Variants in SYNE1 observed in about 807,000 individuals in gnomAD.
SYNE1 encodes spectrin repeat containing nuclear envelope protein 1.
In SYNE1, 616 loss-of-function variants were observed where a neutral mutation model predicts 1,111.0. The observed-to-expected ratio is 0.55, with a 90% confidence interval of 0.52 to 0.59. The LOEUF (loss-of-function observed/expected upper bound fraction) is 0.59, where lower values mean the gene tolerates loss of function less well. Among genes scored for constraint, SYNE1 ranks in the 20% least tolerant of loss-of-function variants. The probability of loss-of-function intolerance (pLI) is 0.00; values close to 1 mark genes in which losing one functional copy is unlikely to be tolerated. For missense variants in SYNE1, 10,006 were observed against 10,417.0 expected, an observed-to-expected ratio of 0.96 and a Z score of 1.72; for synonymous variants, 3,855 against 3,825.8, an observed-to-expected ratio of 1.01 and a Z score of -0.28.
intron 8 of SYNE1, among the ~76,000 whole-genome samples, chr6:152,507,803 A>G (rs1366958254): frequency 6.6e-6 from 1 of 152,206 alleles, no homozygotes; most frequent in Non-Finnish European, 1.5e-5. Context: ...CTATAACTTA[A>G]AGCTTTTATT....
Position 152,220,981 on chromosome 6 carries a change from C to T in SYNE1, c.21722G>A (p.Trp7241Ter). 1 of 1,614,148 alleles carries T rather than the reference C, an allele frequency of 6.2e-7. No individual in the cohort carries two copies. The highest frequency in any genetic ancestry group is 1.1e-5 in the South Asian group (1 of 91,082). The stretch of plus-strand genomic sequence containing the variant: ...TTTGGAGTAGTCCTTGTATCTTTGC[C>T]AAAGCTGAAGTAGGGCCTTGCTGGA... ...LQSSKALLQL[W>*]QRYKDYSKQC... Residue 7241 changes from tryptophan to a stop codon, truncating the protein, a stop_gained, in exon 119 of 146, where the codon TGG (tryptophan) becomes TAG (stop). Coordinates refer to ENST00000367255, the MANE Select transcript of SYNE1 (RefSeq NM_182961.4). LOFTEE classifies it high-confidence loss of function.
chr6:152,625,978 C>T (rs931170291), intron 3 of SYNE1, among the ~76,000 whole-genome samples: 14 of 152,270 alleles, frequency 9.2e-5, no homozygotes, highest in African/African-American at 3.1e-4. Flanking sequence ...CACCTAGACA[C>T]GTAGATGTTA....
At chr6:152,579,377 A>G (rs2099511668) in intron 3 of SYNE1, among the ~76,000 whole-genome samples, 1 of 152,250 alleles carries the variant, frequency 6.6e-6, no homozygotes. Context: ...CCCAGGCCAC[A>G]GGCAGAGGCC....
Position 152,269,232 on chromosome 6 carries a change from G to C in SYNE1, c.18628C>G (p.Pro6210Ala), listed in dbSNP as rs868377407. ...TGGGCCAGCCATTCCTGGACGCCGG[G>C]GCTCTGCGTGGCTGTTAGGTCAACA... ...SDVDLTATQSPGVQEWLAQAR... is the reference protein window; with the variant it reads ...SDVDLTATQSAGVQEWLAQAR... The change falls in exon 99 of 146, where the codon CCC becomes GCC. Residue 6210 changes from proline (P) to alanine (A), a missense_variant. Transcript: ENST00000367255. The C allele has an allele frequency of 1.2e-6, 2 of 1,614,166 alleles. No homozygotes were observed. The highest frequency in any genetic ancestry group is 1.1e-5 in the South Asian group (1 of 91,082).
At chr6:152,247,593 G>A (rs1467518845) in intron 105 of SYNE1, among the ~76,000 whole-genome samples, 3 of 151,286 alleles carry the variant, frequency 2.0e-5, no homozygotes, top group East Asian at 1.9e-4. Context: ...AGCCGGATGC[G>A]GTGGCTCACA....
At chr6:152,316,292 G>A in intron 87 of SYNE1, 1 of 162,592 alleles carries the variant, frequency 6.2e-6, no homozygotes, top group Non-Finnish European at 1.3e-5. Context: ...ATCTCCCACT[G>A]AGCACCTGCA....
In SYNE1 at chr6:152,242,106, T is replaced by C. The variant is rs995282254; in HGVS notation, c.19893+134A>G. Reference sequence around the variant, plus strand: ...GGTTTGAATATAAATTTTTTGGCCATTTTTAAAGAATAACTTATACAAGTA... The same window carrying C: ...GGTTTGAATATAAATTTTTTGGCCACTTTTAAAGAATAACTTATACAAGTA... On this transcript the variant is annotated intron_variant, in intron 107 of 145. Transcript: ENST00000367255. The C allele has an allele frequency of 3.7e-5, 35 of 937,340 alleles. No homozygotes were observed. The Middle Eastern group carries it at 9.5e-4, about 25-fold the overall frequency. 58.1% of individuals were successfully genotyped at this position (937,340 alleles called of 1,614,324 possible).
At position 152,151,964 on chromosome 6, in the gene SYNE1, G is replaced by C. The variant is rs2060502027; in HGVS notation, c.24307C>G (p.Leu8103Val). 6.2e-7 allele frequency: 1 copy of C among 1,614,066 alleles called. No individual in the cohort carries two copies. Among genetic ancestry groups the C allele is most frequent in the Non-Finnish European group, 8.5e-7 (1 of 1,180,038 alleles). The change falls in exon 134 of 146, where the codon CTC (leucine) becomes GTC (valine). Residue 8103 changes from leucine (L) to valine (V), a missense_variant. Leu to Val is a conservative substitution (Grantham distance 32). Around this residue, in one of 7 missense-constraint regions of SYNE1, gnomAD observed 34 missense variants for 68.3 expected, o/e 0.50. Transcript: ENST00000367255. ...QKRVTSILRR[L>V]KHFIGQREEF... Reference sequence around the variant, plus strand: ...AGATGAGGCATAGCAAAAACCTTGAGTCTGCGCAAGATGGAGGTGACACGC... The same window carrying C: ...AGATGAGGCATAGCAAAAACCTTGACTCTGCGCAAGATGGAGGTGACACGC...
rs866571502 is a variant in SYNE1 at position 152,404,106 on chromosome 6, T to G, written c.6825+107A>C. 6.7e-6 allele frequency: 4 copies of G among 595,924 alleles called. 1 individual carries two copies. Among genetic ancestry groups the G allele is most frequent in the Middle Eastern group, 4.3e-4 (1 of 2,320 alleles). 36.9% of individuals were successfully genotyped at this position (595,924 alleles called of 1,614,324 possible). ...ATATACGAGATATAGATATATGAGATATATATATATACACACACACACACA... is the reference window on the plus strand; with the variant it reads ...ATATACGAGATATAGATATATGAGAGATATATATATACACACACACACACA... On this transcript the variant is annotated intron_variant, in intron 46 of 145. Coordinates refer to ENST00000367255, the MANE Select transcript of SYNE1 (RefSeq NM_182961.4).
chr6:152,186,283 A>G (rs1161904828), intron 128 of SYNE1, among the ~76,000 whole-genome samples: 5 of 152,028 alleles, frequency 3.3e-5, no homozygotes, highest in Non-Finnish European at 5.9e-5. Context: ...AAGACCGGGC[A>G]CGGTGGCTTA....
At chr6:152,285,202 C>T (rs1207746038) in intron 95 of SYNE1, among the ~76,000 whole-genome samples, 1 of 144,082 alleles carries the variant, frequency 6.9e-6, no homozygotes, top group Non-Finnish European at 1.5e-5. Context: ...CTCTTCACAC[C>T]TTCCTCTCCT....
At chr6:152,179,831 C>T (rs983548770) in intron 129 of SYNE1, among the ~76,000 whole-genome samples, 6 of 151,380 alleles carry the variant, frequency 4.0e-5, no homozygotes, top group Non-Finnish European at 7.4e-5. Context: ...ACTACAGGCG[C>T]GCACCACCAC....
At chr6:152,417,041 T>C in intron 40 of SYNE1, 26 bp from the exon 41 acceptor site, 1 of 1,612,720 alleles carries the variant, frequency 6.2e-7, no homozygotes, top group Non-Finnish European at 8.5e-7. Context: ...GAGTTATTGA[T>C]TCCTGAGATA....
chr6:152,619,216 A>C (rs1221308157), intron 3 of SYNE1, among the ~76,000 whole-genome samples: 2 of 152,192 alleles, frequency 1.3e-5, no homozygotes, highest in East Asian at 1.9e-4. Flanking sequence ...CCCCCTTTAT[A>C]AGTACATATT....
intron 72 of SYNE1, among the ~76,000 whole-genome samples, chr6:152,347,514 T>A (rs999252904): frequency 6.6e-6 from 1 of 152,146 alleles, no homozygotes; most frequent in Non-Finnish European, 1.5e-5. Flanking sequence ...GAGATAATAC[T>A]CCATGGTATT....
At chr6:152,199,010 C>CA (rs2074821290) in intron 127 of SYNE1, among the ~76,000 whole-genome samples, 1 of 139,994 alleles carries the variant, frequency 7.1e-6, no homozygotes, top group Non-Finnish European at 1.6e-5. Context: ...AACCAAAAAA[C>CA]AAAAAACAAA....
chr6:152,550,789 GAACCATAAT>G (rs1474431289), intron 3 of SYNE1, among the ~76,000 whole-genome samples: 2 of 152,068 alleles, frequency 1.3e-5, no homozygotes, highest in Admixed American at 6.6e-5. Flanking sequence ...GATTGAGAGT[GAACCATAAT>G]AAATAGTATG....
At chr6:152,213,556 A>T in intron 123 of SYNE1, 56 bp downstream of exon 123, 1 of 1,593,412 alleles carries the variant, frequency 6.3e-7, no homozygotes, top group Non-Finnish European at 8.6e-7. Flanking sequence ...ATTTCGTAGC[A>T]TCTTCTAAGG....
rs2098156887 is a variant in SYNE1 at position 152,416,458 on chromosome 6, G to A, written c.5979C>T (p.Ser1993=). Residue 1993 remains serine (S), a synonymous_variant, in exon 41 of 146, where the codon AGC becomes AGT. Coordinates refer to ENST00000367255, the MANE Select transcript of SYNE1 (RefSeq NM_182961.4). Reference sequence around the variant, plus strand: ...CAGTCCTTTCTTCAATGTCCTCAATGCTTTTCAGAAGCTCCTCTTTCTGGT... The same window carrying A: ...CAGTCCTTTCTTCAATGTCCTCAATACTTTTCAGAAGCTCCTCTTTCTGGT... The part of the protein sequence containing the change: ...FQDQKEELLK[S]IEDIEERTDK... The A allele has an allele frequency of 6.2e-7, 1 of 1,613,964 alleles. No homozygotes were observed. Among genetic ancestry groups the A allele is most frequent in the Admixed American group, 1.7e-5 (1 of 59,986 alleles).
Sources: allele counts gnomAD v4.1 joint callset (sites outside exome capture counted in the v4.1 genomes callset), GRCh38; gene constraint gnomAD v4.1.1; regional missense constraint gnomAD v4.1.1; transcripts MANE v1.5; gene names NCBI Gene and HGNC (gene_info 2026-07-23, HGNC 2026-07-21).